Variants in AHI1 observed in about 807,000 individuals in gnomAD.
AHI1 encodes Abelson helper integration site 1.
In AHI1, 123 loss-of-function variants were observed where a neutral mutation model predicts 149.3. That is an observed-to-expected ratio of 0.82 (90% CI 0.71 to 0.96). The LOEUF (loss-of-function observed/expected upper bound fraction) is 0.96. AHI1 is among the 40% of genes least tolerant of loss of function. The probability of loss-of-function intolerance (pLI) is 0.00; values close to 1 mark genes in which losing one functional copy is unlikely to be tolerated. For synonymous variants in AHI1, 475 were observed against 459.8 expected, an observed-to-expected ratio of 1.03 and a Z score of -0.42; for missense variants, 1,439 against 1,422.7, an observed-to-expected ratio of 1.01 and a Z score of -0.18.
chr6:135,483,701 C>G (rs7750682), intron 5 of AHI1, among the ~76,000 whole-genome samples: 2 of 152,156 alleles, frequency 1.3e-5, no homozygotes, highest in Non-Finnish European at 2.9e-5. Context: ...GTTTATTATG[C>G]TCTGAGCCCA....
At chr6:135,363,852 G>A (rs565235684) in intron 23 of AHI1, among the ~76,000 whole-genome samples, 230 of 148,688 alleles carry the variant, frequency 1.5e-3, no homozygotes, top group African/African-American at 5.3e-3. Context: ...GGGCAGAGGC[G>A]CCCCTCACCC....
At chr6:135,338,927 CTTT>C (rs143028763) in intron 24 of AHI1, among the ~76,000 whole-genome samples, 17 of 140,864 alleles carry the variant, frequency 1.2e-4, no homozygotes, top group African/African-American at 7.8e-5. Context: ...CTCATCTTTC[CTTT>C]TTTTTTTTTT....
chr6:135,487,876 GTAC>G (rs1794703748), intron 5 of AHI1, among the ~76,000 whole-genome samples: 1 of 151,710 alleles, frequency 6.6e-6, no homozygotes, highest in African/African-American at 2.4e-5. Flanking sequence ...TCTAGAAATG[GTAC>G]TACATCTTTA....
At chr6:135,353,690 A>G (rs1328433062) in intron 24 of AHI1, among the ~76,000 whole-genome samples, 1 of 152,132 alleles carries the variant, frequency 6.6e-6, no homozygotes, top group Admixed American at 6.5e-5. Flanking sequence ...AATCCAAGAG[A>G]TTCAGGATAA....
chr6:135,285,237 A>G lies in AHI1; in HGVS notation c.*408T>C, dbSNP rs1275896685. 1.5e-5 allele frequency: 3 copies of G among 201,224 alleles called. No individual in the cohort carries two copies. The highest frequency in any genetic ancestry group is 7.6e-5 in the African/African-American group (3 of 39,564). The allele number at this position is 201,224 out of a possible 1,614,324, so 12.5% of individuals were successfully genotyped here. A position where few individuals can be genotyped will look rare whatever the true frequency, so the allele number is the denominator to read the frequency against. ...TACTTCATATTCTGGGCATAGCATCACACATACAACCATTACCAATATAAT... is the reference window on the plus strand; with the variant it reads ...TACTTCATATTCTGGGCATAGCATCGCACATACAACCATTACCAATATAAT... On this transcript the variant is annotated 3_prime_UTR_variant, in exon 29 of 29. Coordinates refer to ENST00000265602, the MANE Select transcript of AHI1 (RefSeq NM_001134831.2).
At chr6:135,351,598 T>C (rs1792124941) in intron 24 of AHI1, among the ~76,000 whole-genome samples, 1 of 152,178 alleles carries the variant, frequency 6.6e-6, no homozygotes, top group South Asian at 2.1e-4. Flanking sequence ...CGTAGGCATA[T>C]TTAGGAACTG....
At chr6:135,383,400 T>TA (rs1296990442) in intron 23 of AHI1, among the ~76,000 whole-genome samples, 3 of 151,450 alleles carry the variant, frequency 2.0e-5, no homozygotes, top group East Asian at 1.9e-4. Context: ...CCTGGATAAT[T>TA]AAAAAAACAT....
At position 135,442,846 on chromosome 6, in the gene AHI1, T is replaced by C. The variant is rs1043268964; in HGVS notation, c.1780-132A>G. The C allele has an allele frequency of 5.8e-6, 5 of 857,120 alleles. No homozygotes were observed. In the African/African-American group the frequency reaches 8.5e-5, roughly 15 times the overall value. 53.1% of individuals were successfully genotyped at this position (857,120 alleles called of 1,614,324 possible). A position where few individuals can be genotyped will look rare whatever the true frequency, so the allele number is the denominator to read the frequency against. On this transcript the variant is annotated intron_variant, in intron 13 of 28. Coordinates refer to ENST00000265602, the MANE Select transcript of AHI1 (RefSeq NM_001134831.2). ...GAAAGAGAAAAACAAGTACGCAGAATGGTGAAAAACCATAGTAAATTGCTT... is the reference window on the plus strand; with the variant it reads ...GAAAGAGAAAAACAAGTACGCAGAACGGTGAAAAACCATAGTAAATTGCTT...
intron 23 of AHI1, among the ~76,000 whole-genome samples, chr6:135,369,643 T>C (rs1562597567): frequency 6.6e-6 from 1 of 152,234 alleles, no homozygotes; most frequent in Admixed American, 6.5e-5. Flanking sequence ...GACACACAGA[T>C]ATGACTCTTT....
At position 135,457,627 on chromosome 6, in the gene AHI1, C is replaced by G. The variant is rs368748793; in HGVS notation, c.1018G>C (p.Asp340His). 7 of 1,613,802 alleles carry G rather than the reference C, an allele frequency of 4.3e-6. No individual in the cohort carries two copies. In the African/African-American group the frequency reaches 6.7e-5, roughly 15 times the overall value. Residue 340 changes from aspartate to histidine, a missense_variant, in exon 9 of 29, where the codon GAT (aspartate) becomes CAT (histidine). Coordinates refer to ENST00000265602, the MANE Select transcript of AHI1 (RefSeq NM_001134831.2). ...TAAACTCCCAAGACAAGGTCATCAT[C>G]AAGCAAACATTTGGGATAAACCGGG... Reference protein sequence around the residue: ...DSPVYPKCLLDDDLVLGVYIH... With the variant: ...DSPVYPKCLLHDDLVLGVYIH...
chr6:135,457,721 C>A lies in AHI1; in HGVS notation c.932-8G>T. 1 of 1,605,770 alleles carries A rather than the reference C, an allele frequency of 6.2e-7. No homozygotes were observed. Among genetic ancestry groups the A allele is most frequent in the Non-Finnish European group, 8.5e-7 (1 of 1,175,442 alleles). On this transcript the variant is annotated splice_polypyrimidine_tract_variant and splice_region_variant and intron_variant, in intron 8 of 28. Transcript: ENST00000265602. ...CTTCATTATTATCTGCAACTACACGCATGGAAAAAAAAATCAATGTTATAA... is the reference window on the plus strand; with the variant it reads ...CTTCATTATTATCTGCAACTACACGAATGGAAAAAAAAATCAATGTTATAA...
At chr6:135,461,131 GGAC>G (rs1583344662) in intron 8 of AHI1, among the ~76,000 whole-genome samples, 1 of 152,024 alleles carries the variant, frequency 6.6e-6, no homozygotes, top group East Asian at 1.9e-4. Context: ...AACCAGAGTA[GGAC>G]GACATTTGCG....
intron 11 of AHI1, among the ~76,000 whole-genome samples, chr6:135,449,373 A>G (rs1426898815): frequency 6.6e-6 from 1 of 152,120 alleles, no homozygotes; most frequent in Non-Finnish European, 1.5e-5. Context: ...TTTATGAGAA[A>G]CATAAAAATC....
chr6:135,330,714 A>G (rs1582625466), intron 24 of AHI1, among the ~76,000 whole-genome samples: 1 of 152,198 alleles, frequency 6.6e-6, no homozygotes, highest in East Asian at 1.9e-4. Flanking sequence ...GAATCTAACC[A>G]TTCAGTTAGG....
At chr6:135,336,434 C>G (rs1199021694) in intron 24 of AHI1, among the ~76,000 whole-genome samples, 1 of 151,936 alleles carries the variant, frequency 6.6e-6, no homozygotes, top group Non-Finnish European at 1.5e-5. Context: ...CCTGTCTCTA[C>G]TAAAAATACA....
At chr6:135,484,014 AAG>A (rs1405116751) in intron 5 of AHI1, among the ~76,000 whole-genome samples, 153 of 152,172 alleles carry the variant, frequency 1.0e-3, no homozygotes, top group African/African-American at 3.4e-3. Context: ...AATGGACTTA[AAG>A]TTCCACATGG....
At chr6:135,478,669 T>C (rs1427675894) in intron 5 of AHI1, among the ~76,000 whole-genome samples, 1 of 152,216 alleles carries the variant, frequency 6.6e-6, no homozygotes, top group East Asian at 1.9e-4. Flanking sequence ...AAAAACCAGT[T>C]TTCTGAGGAG....
At chr6:135,490,493 G>A (rs527771372) in intron 5 of AHI1, 130 bp downstream of exon 5, 55 of 1,071,442 alleles carry the variant, frequency 5.1e-5, no homozygotes, top group Middle Eastern at 6.1e-4. Context: ...TTTACCACAT[G>A]TTATTGACCA....
At position 135,465,833 on chromosome 6, in the gene AHI1, A is replaced by G; in HGVS notation, c.730T>C (p.Phe244Leu). The change falls in exon 7 of 29, where the codon TTC becomes CTC. Residue 244 changes from phenylalanine (F) to leucine (L), a missense_variant. Transcript: ENST00000265602. Reference protein sequence around the residue: ...KRKKKKEVPVFSKAETSTLTI... With the variant: ...KRKKKKEVPVLSKAETSTLTI... ...AAATACCTTGTTTCAGCTTTAGAGA[A>G]GACTGGAACTTCCTTTTTCTTTTTC... 1 of 1,473,700 alleles carries G rather than the reference A, an allele frequency of 6.8e-7. No individual in the cohort carries two copies. Among genetic ancestry groups the G allele is most frequent in the East Asian group, 2.4e-5 (1 of 42,480 alleles). 91.3% of individuals were successfully genotyped at this position (1,473,700 alleles called of 1,614,324 possible). A position where few individuals can be genotyped will look rare whatever the true frequency, so the allele number is the denominator to read the frequency against.
Sources: allele counts gnomAD v4.1 joint callset (sites outside exome capture counted in the v4.1 genomes callset), GRCh38; gene constraint gnomAD v4.1.1; transcripts MANE v1.5; gene names NCBI Gene and HGNC (gene_info 2026-07-23, HGNC 2026-07-21).